Variants in ZCCHC14 observed in about 807,000 individuals in gnomAD.
ZCCHC14 encodes the protein zinc finger CCHC-type containing 14, also known as zinc finger CCHC domain-containing protein 14.
ZCCHC14 carries 16 observed loss-of-function variants against 85.0 expected under a neutral mutation model. The observed-to-expected ratio is 0.19, with a 90% CI of 0.13 to 0.29. ZCCHC14 has a LOEUF of 0.29. Ranked by LOEUF, ZCCHC14 falls within the 10% of genes least tolerant of loss-of-function variation. The pLI is 1.00. For missense variants in ZCCHC14, 1,303 were observed against 1,443.5 expected (o/e 0.90, Z 1.58); for synonymous variants, 775 against 630.7 (o/e 1.23, Z -3.43).
At chr16:87,413,978 G>T (rs1908627619) in intron 10 of ZCCHC14, among the ~76,000 whole-genome samples, 2 of 152,204 alleles carry the variant, frequency 1.3e-5, no homozygotes, top group South Asian at 2.1e-4. Context: ...TTTTCTTATG[G>T]CAGAGACTAT....
intron 3 of ZCCHC14, among the ~76,000 whole-genome samples, chr16:87,427,283 G>T (rs1421461894): frequency 6.6e-6 from 1 of 152,228 alleles, no homozygotes; most frequent in East Asian, 1.9e-4. Context: ...GAATCACTGG[G>T]CCCTCTGCTG....
At chr16:87,485,712 A>G (rs928128794) in intron 1 of ZCCHC14, among the ~76,000 whole-genome samples, 8 of 152,182 alleles carry the variant, frequency 5.3e-5, no homozygotes, top group African/African-American at 1.9e-4. Context: ...TTCGTCATCA[A>G]TTCAACAAAC....
rs768958281 is a variant in ZCCHC14 at position 87,411,704 on chromosome 16, G to A, written c.3017C>T (p.Thr1006Met). 6.8e-6 allele frequency: 11 copies of A among 1,614,002 alleles called. No homozygotes were observed. The highest frequency in any genetic ancestry group is 1.3e-5 in the African/African-American group (1 of 74,944). The change falls in exon 12 of 13, where the codon ACG (threonine) becomes ATG (methionine). Residue 1006 changes from threonine (T) to methionine (M), a missense_variant. Thr to Met is a moderately conservative substitution (Grantham distance 81, BLOSUM62 -1). Coordinates refer to ENST00000671377, the MANE Select transcript of ZCCHC14 (RefSeq NM_015144.3). The part of the protein sequence containing the change: ...TPDPVLSGQS[T>M]FAVPPMQNFM... ...GTTCTGCATGGGTGGCACGGCAAAC[G>A]TGGACTGCCCACTCAGGACAGGGTC...
chr16:87,433,777 G>T (rs2150738709), intron 2 of ZCCHC14, among the ~76,000 whole-genome samples: 1 of 152,142 alleles, frequency 6.6e-6, no homozygotes, highest in East Asian at 1.9e-4. Flanking sequence ...CAGTAGCTGG[G>T]ATTACAGGCG....
At chr16:87,477,776 CCT>C (rs756112556) in intron 1 of ZCCHC14, among the ~76,000 whole-genome samples, 43 of 151,988 alleles carry the variant, frequency 2.8e-4, no homozygotes, top group Non-Finnish European at 4.7e-4. Context: ...ACCGCATCCC[CCT>C]GAGCCTGCTG....
rs145094294 is a variant in ZCCHC14, at chr16:87,487,015, C to T, written c.570+4654G>A. 4.6e-3 allele frequency among the ~76,000 whole-genome samples: 695 copies of T among 152,364 alleles called. 3 individuals are homozygous for T. Among genetic ancestry groups the T allele is most frequent in the African/African-American group, 0.015 (638 of 41,582 alleles). On this transcript the variant is annotated intron_variant, in intron 1 of 12. Transcript: ENST00000671377. The stretch of plus-strand genomic sequence containing the variant: ...AAACCACTTATACTTTGCCTGATAA[C>T]CAGAGGATGAACTATCCCATGTTTC...
intron 8 of ZCCHC14, 147 bp from the exon 9 acceptor site, chr16:87,415,514 A>C (rs1908735411): frequency 4.4e-6 from 3 of 678,430 alleles, no homozygotes; most frequent in Non-Finnish European, 7.4e-6. Context: ...AAGCTGGGAA[A>C]TCCTAGACCC....
chr16:87,425,978 T>A (rs1356414033), intron 3 of ZCCHC14, among the ~76,000 whole-genome samples: 2 of 152,230 alleles, frequency 1.3e-5, no homozygotes, highest in Non-Finnish European at 2.9e-5. Context: ...TTATGCACTT[T>A]AATTACACAG....
intron 1 of ZCCHC14, among the ~76,000 whole-genome samples, chr16:87,486,235 C>G (rs961170101): frequency 6.6e-6 from 1 of 152,168 alleles, no homozygotes; most frequent in African/African-American, 2.4e-5. Context: ...AGAAAGCAAT[C>G]AGAACTGCAT....
At chr16:87,458,492 C>T (rs899154497) in intron 2 of ZCCHC14, among the ~76,000 whole-genome samples, 1 of 152,158 alleles carries the variant, frequency 6.6e-6, no homozygotes, top group African/African-American at 2.4e-5. Flanking sequence ...CAGGAGCCCT[C>T]GCAGGGCTGC....
intron 1 of ZCCHC14, among the ~76,000 whole-genome samples, chr16:87,465,575 G>A (rs898938906): frequency 2.0e-5 from 3 of 152,174 alleles, no homozygotes; most frequent in East Asian, 1.9e-4. Flanking sequence ...TGGGCAGCCC[G>A]CCTCTGGCTC....
At chr16:87,425,830 C>T (rs949793179) in intron 3 of ZCCHC14, among the ~76,000 whole-genome samples, 1 of 152,186 alleles carries the variant, frequency 6.6e-6, no homozygotes, top group African/African-American at 2.4e-5. Context: ...CTCTGCACAG[C>T]TCTCACACCT....
At chr16:87,428,750 T>C (rs187617266) in intron 3 of ZCCHC14, among the ~76,000 whole-genome samples, 43 of 152,366 alleles carry the variant, frequency 2.8e-4, no homozygotes, top group African/African-American at 9.9e-4. Context: ...CTGCATTTTC[T>C]AGAATTTTAT....
Position 87,487,138 on chromosome 16 carries a change from G to A in ZCCHC14, c.570+4531C>T, listed in dbSNP as rs559246527. 6.6e-5 allele frequency among the ~76,000 whole-genome samples: 10 copies of A among 152,218 alleles called. No individual in the cohort carries two copies. The East Asian group carries it at 1.7e-3, about 26-fold the overall frequency. ...AGACATTTTCAGCAGGTTTATTCAC[G>A]GTATTTGTGTCTATCTGAAGTTTCC... On this transcript the variant is annotated intron_variant, in intron 1 of 12. Transcript: ENST00000671377.
chr16:87,429,342 T>C (rs1162861686), intron 3 of ZCCHC14, among the ~76,000 whole-genome samples: 2 of 152,176 alleles, frequency 1.3e-5, no homozygotes, highest in African/African-American at 4.8e-5. Flanking sequence ...CCTTGGCAAA[T>C]CATCTTTTTT....
intron 1 of ZCCHC14, among the ~76,000 whole-genome samples, chr16:87,477,355 T>A (rs1371816224): frequency 1.3e-5 from 2 of 152,122 alleles, no homozygotes; most frequent in African/African-American, 2.4e-5. Context: ...GGAGAGGAGC[T>A]TTGTCACCAA....
intron 9 of ZCCHC14, 46 bp downstream of exon 9, chr16:87,415,230 G>T: frequency 1.3e-6 from 2 of 1,586,160 alleles, no homozygotes; most frequent in South Asian, 1.1e-5. Flanking sequence ...TTCGGCACAC[G>T]AGAAATGGAA....
intron 1 of ZCCHC14, among the ~76,000 whole-genome samples, chr16:87,480,852 G>T (rs1912235487): frequency 6.6e-6 from 1 of 152,190 alleles, no homozygotes; most frequent in African/African-American, 2.4e-5. Context: ...CAGGTAACCG[G>T]TGTCCAGTCT....
At chr16:87,458,101 A>G (rs138254911) in intron 2 of ZCCHC14, among the ~76,000 whole-genome samples, 6 of 7,732 alleles carry the variant, frequency 7.8e-4, no homozygotes, top group Admixed American at 2.6e-3. Flanking sequence ...AATTATACAG[A>G]AAAAAAAAAA....
Sources: allele counts gnomAD v4.1 joint callset (sites outside exome capture counted in the v4.1 genomes callset), GRCh38; gene constraint gnomAD v4.1.1; transcripts MANE v1.5; gene names NCBI Gene and HGNC (gene_info 2026-07-23, HGNC 2026-07-21).